Variants in SEMA6D observed in about 807,000 individuals in gnomAD.
SEMA6D encodes semaphorin 6D.
A neutral mutation model predicts 106.6 loss-of-function variants in SEMA6D; 35 were observed. The observed-to-expected ratio is 0.33, with a 90% CI of 0.25 to 0.44. The LOEUF is 0.44. SEMA6D is among the 20% of genes least tolerant of loss of function. SEMA6D has a pLI of 1.00. For synonymous variants in SEMA6D, 499 were observed against 487.7 expected (o/e 1.02, Z -0.31); for missense variants, 1,185 against 1,345.9 (o/e 0.88, Z 1.87).
intron 2 of SEMA6D, among the ~76,000 whole-genome samples, chr15:47,435,486 A>G (rs2041671883): frequency 6.6e-6 from 1 of 152,072 alleles, no homozygotes; most frequent in Admixed American, 6.6e-5. Flanking sequence ...GCACATGGCA[A>G]GTCTAATGAC....
intron 3 of SEMA6D, among the ~76,000 whole-genome samples, chr15:47,530,135 G>C (rs2044909302): frequency 6.6e-6 from 1 of 152,154 alleles, no homozygotes; most frequent in Admixed American, 6.5e-5. Context: ...CTCTTTTGAT[G>C]ATCCTCTCAG....
chr15:47,510,613 T>C (rs2044196084), intron 3 of SEMA6D, among the ~76,000 whole-genome samples: 1 of 152,204 alleles, frequency 6.6e-6, no homozygotes. Flanking sequence ...GACTTGCATA[T>C]ATAAGATAAT....
At chr15:47,599,454 T>TC (rs971949930) in intron 3 of SEMA6D, among the ~76,000 whole-genome samples, 2 of 150,788 alleles carry the variant, frequency 1.3e-5, no homozygotes, top group African/African-American at 4.9e-5. Context: ...TTACGCTTTT[T>TC]TTTTTTCTCA....
intron 1 of SEMA6D, among the ~76,000 whole-genome samples, chr15:47,356,220 T>C (rs1406390422): frequency 6.6e-6 from 1 of 152,178 alleles, no homozygotes; most frequent in Non-Finnish European, 1.5e-5. Flanking sequence ...CCTAAATCCC[T>C]CAGGGAGGAT....
At chr15:47,238,041 A>T (rs1359327480) in intron 1 of SEMA6D, among the ~76,000 whole-genome samples, 1 of 152,188 alleles carries the variant, frequency 6.6e-6, no homozygotes, top group Non-Finnish European at 1.5e-5. Context: ...ATTGATAATG[A>T]TGATGACACA....
intron 1 of SEMA6D, among the ~76,000 whole-genome samples, chr15:47,348,027 T>C (rs518222): frequency 0.47 from 70,980 of 151,988 alleles, 19,692 homozygotes; most frequent in South Asian, 0.61. Context: ...ATTAAAATCT[T>C]GTTCATTTGA....
At chr15:47,240,004 A>G (rs541844143) in intron 1 of SEMA6D, among the ~76,000 whole-genome samples, 48 of 152,298 alleles carry the variant, frequency 3.2e-4, no homozygotes, top group African/African-American at 1.1e-3. Context: ...AATATTCAAT[A>G]AATTTGAGCT....
chr15:47,640,143 T>A (rs1261243033), intron 4 of SEMA6D, among the ~76,000 whole-genome samples: 1 of 152,232 alleles, frequency 6.6e-6, no homozygotes, highest in Non-Finnish European at 1.5e-5. Context: ...AAAACTGCTC[T>A]ATAAAATAAA....
At chr15:47,763,664 C>T (rs570368970) in intron 9 of SEMA6D, among the ~76,000 whole-genome samples, 186 bp from the exon 10 acceptor site, 2 of 152,244 alleles carry the variant, frequency 1.3e-5, no homozygotes, top group South Asian at 4.1e-4. Context: ...GAAAGTGGCT[C>T]TTTTTTCCCC....
intron 3 of SEMA6D, among the ~76,000 whole-genome samples, chr15:47,567,422 G>A (rs1270692066): frequency 1.3e-5 from 2 of 152,086 alleles, no homozygotes; most frequent in Non-Finnish European, 2.9e-5. Context: ...GTACATGGAT[G>A]AAAAAATGAT....
At chr15:47,490,381 C>T (rs947800732) in intron 3 of SEMA6D, among the ~76,000 whole-genome samples, 1 of 152,174 alleles carries the variant, frequency 6.6e-6, no homozygotes, top group East Asian at 1.9e-4. Context: ...CATGGTGGCT[C>T]ACACCTGTAA....
chr15:47,317,573 G>T (rs1301409617), intron 1 of SEMA6D, among the ~76,000 whole-genome samples: 1 of 152,062 alleles, frequency 6.6e-6, no homozygotes, highest in African/African-American at 2.4e-5. Context: ...ATCCATTTTT[G>T]TTTAAGTTTT....
At chr15:47,710,102 A>G (rs1196642996) in intron 4 of SEMA6D, among the ~76,000 whole-genome samples, 1 of 152,224 alleles carries the variant, frequency 6.6e-6, no homozygotes, top group Non-Finnish European at 1.5e-5. Flanking sequence ...TAAACAAAAT[A>G]AATCACAGAA....
At chr15:47,579,685 A>C (rs1317208346) in intron 3 of SEMA6D, among the ~76,000 whole-genome samples, 1 of 152,184 alleles carries the variant, frequency 6.6e-6, no homozygotes, top group Non-Finnish European at 1.5e-5. Context: ...ATGTTCCTGA[A>C]GACTACTTGG....
At chr15:47,326,841 G>A (rs1248050159) in intron 1 of SEMA6D, among the ~76,000 whole-genome samples, 2 of 152,138 alleles carry the variant, frequency 1.3e-5, no homozygotes, top group Non-Finnish European at 2.9e-5. Flanking sequence ...ACACAAGCCT[G>A]GTTACTCACA....
intron 4 of SEMA6D, among the ~76,000 whole-genome samples, chr15:47,641,220 A>G (rs978554595): frequency 1.4e-5 from 2 of 146,648 alleles, no homozygotes; most frequent in African/African-American, 2.5e-5. Flanking sequence ...GCAGCAGGAC[A>G]GCAGGAAACA....
chr15:47,313,601 G>C lies in SEMA6D; in HGVS notation c.-238-98792G>C, dbSNP rs143224141. Among the ~76,000 whole-genome samples the C allele has an allele frequency of 4.2e-3, 645 of 152,218 alleles. 2 individuals are homozygous for C. The highest frequency in any genetic ancestry group is 4.3e-3 in the Non-Finnish European group (294 of 68,014). ...TTATTTAAAGCCAGTGTCTCTCTCTGTTGCCTAGGCTGGAGTGCAGTGACA... is the reference window on the plus strand; with the variant it reads ...TTATTTAAAGCCAGTGTCTCTCTCTCTTGCCTAGGCTGGAGTGCAGTGACA... On this transcript the variant is annotated intron_variant, in intron 1 of 19. Transcript: ENST00000558014.
chr15:47,287,226 C>T (rs74839627), intron 1 of SEMA6D, among the ~76,000 whole-genome samples: 3,396 of 152,206 alleles, frequency 0.022, 117 homozygotes, highest in African/African-American at 0.077. Context: ...TTCCTGTGTA[C>T]GGAAGAGCTC....
intron 1 of SEMA6D, among the ~76,000 whole-genome samples, chr15:47,748,978 G>A (rs1240123320): frequency 6.6e-6 from 1 of 152,090 alleles, no homozygotes; most frequent in Non-Finnish European, 1.5e-5. Flanking sequence ...TGATGGAGAC[G>A]GGGCCGTCTA....
Sources: gnomAD v4.1 joint callset for allele counts (sites outside exome capture counted in the v4.1 genomes callset) on GRCh38, gnomAD v4.1.1 for gene constraint, MANE v1.5 for transcripts, NCBI Gene and HGNC (gene_info 2026-07-23, HGNC 2026-07-21) for gene names.